The following FANCC variants were observed in gnomAD, a reference collection of about 807,000 sequenced individuals.
FANCC encodes the protein Fanconi anemia group C protein.
FANCC carries 55 observed loss-of-function variants against 71.3 expected under a neutral mutation model. That is an observed-to-expected ratio of 0.77 (90% CI 0.62 to 0.97). The LOEUF is 0.97. Ranked by LOEUF, FANCC falls within the 50% of genes least tolerant of loss-of-function variation. The probability of loss-of-function intolerance (pLI) is 0.00; values close to 1 mark genes in which losing one functional copy is unlikely to be tolerated. For missense variants in FANCC, 678 were observed against 670.9 expected (o/e 1.01, Z -0.12); for synonymous variants, 275 against 244.9 (o/e 1.12, Z -1.15).
intron 1 of FANCC, among the ~76,000 whole-genome samples, chr9:95,299,755 G>A (rs1346012013): frequency 6.6e-6 from 1 of 152,152 alleles, no homozygotes; most frequent in East Asian, 1.9e-4. Flanking sequence ...CAGCTACACG[G>A]GAGGCTGAGG....
chr9:95,204,500 A>AT (rs1827997058), intron 4 of FANCC, among the ~76,000 whole-genome samples: 1 of 152,206 alleles, frequency 6.6e-6, no homozygotes, highest in Non-Finnish European at 1.5e-5. Flanking sequence ...TCAAAACACA[A>AT]TTTTTGTGTG....
rs1012229574 is a variant in FANCC, at chr9:95,201,396, G to A, written c.346-29249C>T. Among the ~76,000 whole-genome samples, 4 of 152,160 alleles carry A rather than the reference G, an allele frequency of 2.6e-5. No homozygotes were observed. The East Asian group carries it at 7.7e-4, about 29-fold the overall frequency. On this transcript the variant is annotated intron_variant, in intron 4 of 14. Transcript: ENST00000289081. ...TTTTAATGGAACTGTTCCAAGGCGT[G>A]AAGTTCCATTTGAAAGTCACTAACA...
At chr9:95,179,590 G>C (rs1012735301) in intron 4 of FANCC, among the ~76,000 whole-genome samples, 1 of 152,082 alleles carries the variant, frequency 6.6e-6, no homozygotes. Flanking sequence ...CAAGTGATCT[G>C]CCCACCTCAG....
chr9:95,254,655 T>C (rs1226499035), intron 1 of FANCC, among the ~76,000 whole-genome samples: 4 of 152,098 alleles, frequency 2.6e-5, no homozygotes, highest in Admixed American at 6.5e-5. Context: ...TGGGCGGCCA[T>C]TTGGGCAGAC....
At chr9:95,175,643 C>A (rs1825968684) in intron 4 of FANCC, among the ~76,000 whole-genome samples, 1 of 152,198 alleles carries the variant, frequency 6.6e-6, no homozygotes, top group Admixed American at 6.5e-5. Flanking sequence ...TACAAGCCAG[C>A]GTGCCATCTG....
intron 13 of FANCC, chr9:95,110,592 T>A (rs1378687596): frequency 6.8e-6 from 7 of 1,036,924 alleles, no homozygotes; most frequent in Non-Finnish European, 7.0e-6. Context: ...AAACTATTTT[T>A]CTTTCCTATG....
chr9:95,247,350 G>C, intron 3 of FANCC, 82 bp downstream of exon 3: 1 of 1,014,990 alleles, frequency 9.9e-7, no homozygotes, highest in Non-Finnish European at 1.5e-6. Context: ...AAAACTAGGA[G>C]AAAGGTTCAT....
At chr9:95,284,962 T>C (rs552149418) in intron 1 of FANCC, among the ~76,000 whole-genome samples, 1 of 147,480 alleles carries the variant, frequency 6.8e-6, no homozygotes, top group South Asian at 2.2e-4. Flanking sequence ...AAAAAATAAA[T>C]CTGAGCCAAG....
At chr9:95,188,180 G>A (rs2135720113) in intron 4 of FANCC, among the ~76,000 whole-genome samples, 1 of 152,278 alleles carries the variant, frequency 6.6e-6, no homozygotes, top group East Asian at 1.9e-4. Flanking sequence ...TGCCTACACA[G>A]CAAGCATTTA....
chr9:95,177,595 T>TG (rs1481881135), intron 4 of FANCC, among the ~76,000 whole-genome samples: 1 of 152,246 alleles, frequency 6.6e-6, no homozygotes, highest in Admixed American at 6.5e-5. Context: ...TAAAACACAT[T>TG]GTACAGCGGT....
At chr9:95,221,467 T>A (rs1829263610) in intron 4 of FANCC, among the ~76,000 whole-genome samples, 1 of 152,126 alleles carries the variant, frequency 6.6e-6, no homozygotes, top group Middle Eastern at 3.4e-3. Flanking sequence ...AAAGCATGAA[T>A]TATAATAGAA....
chr9:95,203,372 C>T (rs891611585), intron 4 of FANCC, among the ~76,000 whole-genome samples: 1 of 75,036 alleles, frequency 1.3e-5, no homozygotes, highest in Non-Finnish European at 2.5e-5. Flanking sequence ...GAACAAGACC[C>T]TGTCTCAAAA....
intron 1 of FANCC, 50 bp from the exon 2 acceptor site, chr9:95,249,419 G>A: frequency 1.1e-6 from 1 of 898,974 alleles, no homozygotes; most frequent in Non-Finnish European, 1.8e-6. Context: ...TCTTTTATCA[G>A]TGCCTTCACG....
intron 6 of FANCC, among the ~76,000 whole-genome samples, chr9:95,157,250 A>AT (rs1258874923): frequency 1.3e-5 from 2 of 152,198 alleles, no homozygotes; most frequent in African/African-American, 4.8e-5. Context: ...TGATCTCATA[A>AT]TTTCAGATGC....
chr9:95,255,973 A>G (rs1460061983), intron 1 of FANCC, among the ~76,000 whole-genome samples: 1 of 151,942 alleles, frequency 6.6e-6, no homozygotes. Flanking sequence ...GCATGAAGAG[A>G]AGGTTAGAGA....
intron 8 of FANCC, among the ~76,000 whole-genome samples, chr9:95,130,935 GCTT>G (rs1826809543): frequency 1.3e-5 from 2 of 152,084 alleles, no homozygotes; most frequent in Non-Finnish European, 2.9e-5. Flanking sequence ...TATGCCATTT[GCTT>G]CTTTTCTATT....
At chr9:95,238,604 C>T (rs186459481) in intron 4 of FANCC, among the ~76,000 whole-genome samples, 1 of 151,618 alleles carries the variant, frequency 6.6e-6, no homozygotes, top group Admixed American at 6.6e-5. Flanking sequence ...CTCGCTCTGT[C>T]ACCCAGGCTG....
At chr9:95,135,184 C>T (rs1055232107) in intron 8 of FANCC, among the ~76,000 whole-genome samples, 162 bp downstream of exon 8, 5 of 152,078 alleles carry the variant, frequency 3.3e-5, no homozygotes, top group African/African-American at 1.2e-4. Flanking sequence ...AGAAAAGCCC[C>T]CTATGTTAGT....
chr9:95,307,368 CG>C (rs1238517983), intron 1 of FANCC, among the ~76,000 whole-genome samples: 1 of 152,000 alleles, frequency 6.6e-6, no homozygotes, highest in Non-Finnish European at 1.5e-5. Context: ...ATAAAACCAA[CG>C]TATTTGTATA....
Sources: allele counts gnomAD v4.1 joint callset (sites outside exome capture counted in the v4.1 genomes callset), GRCh38; gene constraint gnomAD v4.1.1; transcripts MANE v1.5; gene names NCBI Gene and HGNC (gene_info 2026-07-23, HGNC 2026-07-21).